Variants in PLD1 observed in about 807,000 individuals in gnomAD.
PLD1 encodes the protein phospholipase D1, also known as choline phosphatase 1.
PLD1 carries 112 observed loss-of-function variants against 137.1 expected under a neutral mutation model. The observed-to-expected ratio is 0.82, with a 90% CI of 0.70 to 0.96. The LOEUF is 0.96. Ranked by LOEUF, PLD1 falls within the 40% of genes least tolerant of loss-of-function variation. PLD1 has a pLI of 0.00. For synonymous variants in PLD1, 431 were observed against 454.7 expected (o/e 0.95, Z 0.66); for missense variants, 1,321 against 1,342.0 (o/e 0.98, Z 0.24).
At chr3:171,632,898 C>T (rs1734795718) in intron 23 of PLD1, among the ~76,000 whole-genome samples, 1 of 152,208 alleles carries the variant, frequency 6.6e-6, no homozygotes, top group Non-Finnish European at 1.5e-5. Context: ...GTAAGACATC[C>T]TGTCAGCCCA....
intron 1 of PLD1, among the ~76,000 whole-genome samples, chr3:171,763,467 G>A (rs1403542133): frequency 5.5e-5 from 2 of 36,270 alleles, no homozygotes; most frequent in Admixed American, 2.1e-4. Context: ...GAGGGGAGGG[G>A]AGGGGAGGGG....
At chr3:171,768,093 T>C (rs915426386) in intron 1 of PLD1, among the ~76,000 whole-genome samples, 1 of 152,088 alleles carries the variant, frequency 6.6e-6, no homozygotes, top group East Asian at 1.9e-4. Context: ...GTAGTACTAC[T>C]ACCCCAGAAA....
At chr3:171,803,267 C>A (rs1723715717) in intron 1 of PLD1, among the ~76,000 whole-genome samples, 1 of 152,110 alleles carries the variant, frequency 6.6e-6, no homozygotes. Flanking sequence ...AAGCGTATTC[C>A]TTTCTCCCCA....
chr3:171,645,658 G>A (rs1254921724), intron 21 of PLD1, among the ~76,000 whole-genome samples: 1 of 151,958 alleles, frequency 6.6e-6, no homozygotes, highest in East Asian at 1.9e-4. Flanking sequence ...TCCGTGGCAG[G>A]TGGACCACGA....
intron 23 of PLD1, among the ~76,000 whole-genome samples, chr3:171,630,085 A>C (rs1734527251): frequency 6.6e-6 from 1 of 151,888 alleles, no homozygotes; most frequent in Non-Finnish European, 1.5e-5. Context: ...CAACCTACAG[A>C]ATGGGAGAAA....
chr3:171,778,196 A>G (rs1222786076), intron 1 of PLD1, among the ~76,000 whole-genome samples: 3 of 152,238 alleles, frequency 2.0e-5, no homozygotes, highest in Non-Finnish European at 2.9e-5. Flanking sequence ...ATTAGATACA[A>G]TTATTTTCCT....
chr3:171,773,364 C>T (rs945737150), intron 1 of PLD1, among the ~76,000 whole-genome samples: 2 of 152,102 alleles, frequency 1.3e-5, no homozygotes, highest in Non-Finnish European at 2.9e-5. Flanking sequence ...GAGGCCGAGG[C>T]GGGTGGATCA....
chr3:171,715,755 A>C (rs1015107989), intron 8 of PLD1, among the ~76,000 whole-genome samples: 5 of 151,864 alleles, frequency 3.3e-5, no homozygotes, highest in African/African-American at 1.2e-4. Context: ...TTGTCAATAG[A>C]TATATTTTTT....
chr3:171,633,403 C>T (rs1734840640), intron 23 of PLD1, among the ~76,000 whole-genome samples: 1 of 152,116 alleles, frequency 6.6e-6, no homozygotes, highest in South Asian at 2.1e-4. Flanking sequence ...ATGGAGGTAT[C>T]TGAGAACCTG....
intron 19 of PLD1, among the ~76,000 whole-genome samples, chr3:171,666,698 A>G (rs1712184227): frequency 6.6e-6 from 1 of 152,200 alleles, no homozygotes. Context: ...TAACCCTCAA[A>G]CTGTTCCCTC....
intron 11 of PLD1, among the ~76,000 whole-genome samples, chr3:171,701,670 T>TAA (rs1716248880): frequency 6.6e-6 from 1 of 152,240 alleles, no homozygotes; most frequent in Admixed American, 6.5e-5. Context: ...TATCATGCTA[T>TAA]AAAAGTATAA....
At chr3:171,696,100 T>C (rs1715665529) in intron 12 of PLD1, among the ~76,000 whole-genome samples, 1 of 152,308 alleles carries the variant, frequency 6.6e-6, no homozygotes, top group Admixed American at 6.5e-5. Context: ...AACTCTACAT[T>C]GTGCCTTGTG....
intron 25 of PLD1, among the ~76,000 whole-genome samples, chr3:171,611,027 G>A (rs1450337044): frequency 6.6e-6 from 1 of 152,130 alleles, no homozygotes; most frequent in Non-Finnish European, 1.5e-5. Context: ...CTCACTAAGC[G>A]CCCATCTGCA....
At chr3:171,778,438 T>G (rs1023022976) in intron 1 of PLD1, among the ~76,000 whole-genome samples, 1 of 152,166 alleles carries the variant, frequency 6.6e-6, no homozygotes, top group African/African-American at 2.4e-5. Context: ...TTAAGAAAAC[T>G]AAAGCAGAGT....
At chr3:171,776,878 T>G (rs996356791) in intron 1 of PLD1, among the ~76,000 whole-genome samples, 3 of 152,218 alleles carry the variant, frequency 2.0e-5, no homozygotes, top group Non-Finnish European at 4.4e-5. Context: ...CCCTTTTAAA[T>G]TACTGTAATT....
chr3:171,753,873 G>A (rs893510010), intron 1 of PLD1, among the ~76,000 whole-genome samples: 1 of 152,054 alleles, frequency 6.6e-6, no homozygotes, highest in Non-Finnish European at 1.5e-5. Flanking sequence ...TTTGTATTAC[G>A]TTTCCCTGCT....
At chr3:171,687,139 G>A (rs377766108) in intron 15 of PLD1, among the ~76,000 whole-genome samples, 1 of 152,264 alleles carries the variant, frequency 6.6e-6, no homozygotes, top group East Asian at 1.9e-4. Flanking sequence ...CATTAGAAGT[G>A]GTAATCGTGG....
At chr3:171,744,675 C>T (rs1397364890) in intron 1 of PLD1, among the ~76,000 whole-genome samples, 1 of 152,126 alleles carries the variant, frequency 6.6e-6, no homozygotes, top group Admixed American at 6.5e-5. Context: ...TAGCTAAAAA[C>T]AAAGAAACAA....
chr3:171,781,318 T>C (rs915538670), intron 1 of PLD1, among the ~76,000 whole-genome samples: 1 of 151,494 alleles, frequency 6.6e-6, no homozygotes, highest in African/African-American at 2.4e-5. Flanking sequence ...CACTCAAAAA[T>C]TGAGATGGAT....
Sources: allele counts gnomAD v4.1 joint callset (sites outside exome capture counted in the v4.1 genomes callset), GRCh38; gene constraint gnomAD v4.1.1; transcripts MANE v1.5; gene names NCBI Gene and HGNC (gene_info 2026-07-23, HGNC 2026-07-21).